The following ELMO1 variants were observed in gnomAD, a reference collection of about 807,000 sequenced individuals.
ELMO1 encodes the protein engulfment and cell motility 1, also known as engulfment and cell motility protein 1.
Under a neutral mutation model 98.9 loss-of-function variants are expected in ELMO1, and 26 were observed. The ratio of observed to expected loss-of-function variants is 0.26; its 90% CI spans 0.19 to 0.36. The LOEUF (loss-of-function observed/expected upper bound fraction) is 0.36, where lower values mean the gene tolerates loss of function less well. Among genes scored for constraint, ELMO1 ranks in the 10% least tolerant of loss-of-function variants. The pLI is 1.00. For missense variants in ELMO1, 627 were observed against 935.2 expected (o/e 0.67, Z 4.30); for synonymous variants, 346 against 346.0 (o/e 1.00, Z 0.00).
intron 16 of ELMO1, among the ~76,000 whole-genome samples, chr7:36,941,911 G>A (rs1326916538): frequency 1.3e-5 from 2 of 152,148 alleles, no homozygotes; most frequent in Admixed American, 1.3e-4. Flanking sequence ...CACACACCTG[G>A]GAAGTGGCAG....
intron 16 of ELMO1, among the ~76,000 whole-genome samples, chr7:37,007,639 C>G (rs1793237051): frequency 6.6e-6 from 1 of 152,206 alleles, no homozygotes; most frequent in Non-Finnish European, 1.5e-5. Flanking sequence ...AAAGCATGCA[C>G]AGAAAGTCAG....
chr7:37,440,205 A>T (rs1457251040), intron 1 of ELMO1, among the ~76,000 whole-genome samples: 1 of 152,158 alleles, frequency 6.6e-6, no homozygotes, highest in Non-Finnish European at 1.5e-5. Context: ...ACACTTTGGG[A>T]GGCCAAGGCA....
intron 13 of ELMO1, among the ~76,000 whole-genome samples, chr7:37,197,766 G>A (rs1159415213): frequency 1.3e-5 from 2 of 152,096 alleles, no homozygotes; most frequent in East Asian, 1.9e-4. Flanking sequence ...GATCCTACTA[G>A]AGGCAAAATC....
intron 2 of ELMO1, among the ~76,000 whole-genome samples, chr7:37,318,088 T>A (rs1228098351): frequency 2.6e-5 from 4 of 152,208 alleles, no homozygotes; most frequent in Admixed American, 2.6e-4. Flanking sequence ...AAGATGACAA[T>A]GGCAATTGGG....
intron 13 of ELMO1, among the ~76,000 whole-genome samples, chr7:37,154,117 C>A (rs1788561052): frequency 6.6e-6 from 1 of 152,182 alleles, no homozygotes; most frequent in South Asian, 2.1e-4. Context: ...ATAGCATCAA[C>A]ATCAACAAAA....
intron 4 of ELMO1, among the ~76,000 whole-genome samples, chr7:37,277,452 C>T (rs1385394542): frequency 6.6e-6 from 1 of 152,140 alleles, no homozygotes; most frequent in Non-Finnish European, 1.5e-5. Flanking sequence ...GAGAAAAGTC[C>T]TATGTGGTCG....
chr7:37,052,895 A>G (rs1796185894), intron 15 of ELMO1, among the ~76,000 whole-genome samples: 1 of 152,126 alleles, frequency 6.6e-6, no homozygotes, highest in Non-Finnish European at 1.5e-5. Flanking sequence ...TGTTTGTCTG[A>G]GGCTCCCTAA....
intron 15 of ELMO1, among the ~76,000 whole-genome samples, chr7:37,052,262 G>T (rs2129205327): frequency 6.6e-6 from 1 of 152,242 alleles, no homozygotes; most frequent in South Asian, 2.1e-4. Context: ...TCCGATCTCT[G>T]CTTTTGTTGT....
At chr7:37,375,571 A>G in intron 1 of ELMO1, 1 of 1,104,000 alleles carries the variant, frequency 9.1e-7, no homozygotes, top group Non-Finnish European at 1.4e-6. Context: ...CTCCTTTTTA[A>G]GGAGGGAGTC....
At chr7:36,880,020 C>T (rs911953213) in intron 18 of ELMO1, among the ~76,000 whole-genome samples, 3 of 152,172 alleles carry the variant, frequency 2.0e-5, no homozygotes, top group African/African-American at 4.8e-5. Flanking sequence ...ATCAACAGTG[C>T]TCTTGGGGGC....
intron 2 of ELMO1, among the ~76,000 whole-genome samples, chr7:37,327,363 T>C (rs888002210): frequency 5.3e-5 from 8 of 152,320 alleles, no homozygotes; most frequent in Non-Finnish European, 1.0e-4. Context: ...ACAGATTCAA[T>C]AGGATAAACA....
chr7:36,989,389 T>C (rs574017104), intron 16 of ELMO1, among the ~76,000 whole-genome samples: 1 of 152,244 alleles, frequency 6.6e-6, no homozygotes, highest in African/African-American at 2.4e-5. Flanking sequence ...ATTCCTGGGG[T>C]CCAAGTGCAT....
intron 14 of ELMO1, among the ~76,000 whole-genome samples, chr7:37,106,198 A>C (rs528737431): frequency 1.8e-4 from 27 of 152,326 alleles, no homozygotes; most frequent in African/African-American, 6.0e-4. Flanking sequence ...GCTGTTTAGA[A>C]GGAACACTGC....
At chr7:37,355,324 G>A (rs1044123744) in intron 1 of ELMO1, among the ~76,000 whole-genome samples, 5 of 152,192 alleles carry the variant, frequency 3.3e-5, no homozygotes, top group Non-Finnish European at 5.9e-5. Flanking sequence ...TTAGAGTAGT[G>A]CCTGACCTGG....
At chr7:37,188,892 T>C (rs1396908898) in intron 13 of ELMO1, among the ~76,000 whole-genome samples, 3 of 150,748 alleles carry the variant, frequency 2.0e-5, no homozygotes, top group South Asian at 2.1e-4. Flanking sequence ...TAAAGACAAG[T>C]TTCATCATTG....
rs773682247 is a variant in ELMO1 at position 37,211,286 on chromosome 7, C to T, written c.1086+100G>A. 3.1e-5 allele frequency: 48 copies of T among 1,545,174 alleles called. No individual in the cohort carries two copies. In the Middle Eastern group the frequency reaches 5.5e-4, roughly 18 times the overall value. ...GAAATGTGGAAACTATTCCGTAAAGCGCAAGAGGACCACACGCTCGGAAGA... is the reference window on the plus strand; with the variant it reads ...GAAATGTGGAAACTATTCCGTAAAGTGCAAGAGGACCACACGCTCGGAAGA... On this transcript the variant is annotated intron_variant, in intron 13 of 21. Coordinates refer to ENST00000310758, the MANE Select transcript of ELMO1 (RefSeq NM_014800.11).
chr7:36,980,087 G>T (rs145100318), intron 16 of ELMO1, among the ~76,000 whole-genome samples: 24 of 152,290 alleles, frequency 1.6e-4, no homozygotes, highest in African/African-American at 5.3e-4. Flanking sequence ...CTCCCAAAGC[G>T]CAAGGCTGCA....
At chr7:37,339,329 T>G (rs1246301828) in intron 2 of ELMO1, among the ~76,000 whole-genome samples, 2 of 152,216 alleles carry the variant, frequency 1.3e-5, no homozygotes, top group East Asian at 3.9e-4. Flanking sequence ...CAGTCAAGGT[T>G]GAGGACCACT....
Position 36,920,005 on chromosome 7 carries a change from C to T in ELMO1, c.1438-24988G>A, listed in dbSNP as rs561575521. 5.3e-5 allele frequency among the ~76,000 whole-genome samples: 8 copies of T among 152,302 alleles called. No homozygotes were observed. In the South Asian group the frequency reaches 1.7e-3, roughly 32 times the overall value. On this transcript the variant is annotated intron_variant, in intron 16 of 21. Coordinates refer to ENST00000310758, the MANE Select transcript of ELMO1 (RefSeq NM_014800.11). The stretch of plus-strand genomic sequence containing the variant: ...TCAACAGTGGCCTGGATCAGGGATG[C>T]TTTGGTTCTTTCCTTTGGGCACTCT...
Sources: allele counts gnomAD v4.1 joint callset (sites outside exome capture counted in the v4.1 genomes callset), GRCh38; gene constraint gnomAD v4.1.1; transcripts MANE v1.5; gene names NCBI Gene and HGNC (gene_info 2026-07-23, HGNC 2026-07-21).